Variants in MACROD2 observed in about 807,000 individuals in gnomAD.
MACROD2 encodes the protein mono-ADP ribosylhydrolase 2, also known as ADP-ribose glycohydrolase MACROD2.
A neutral mutation model predicts 70.4 loss-of-function variants in MACROD2; 36 were observed. That is an observed-to-expected ratio of 0.51 (90% confidence interval 0.39 to 0.68). The LOEUF (loss-of-function observed/expected upper bound fraction) is 0.68. Ranked by LOEUF, MACROD2 falls within the 30% of genes least tolerant of loss-of-function variation. MACROD2 has a pLI of 0.00. For synonymous variants in MACROD2, 172 were observed against 178.8 expected (o/e 0.96, Z 0.30); for missense variants, 496 against 538.4 (o/e 0.92, Z 0.78).
chr20:15,777,971 A>G (rs1005933168), intron 8 of MACROD2, among the ~76,000 whole-genome samples: 2 of 152,048 alleles, frequency 1.3e-5, no homozygotes, highest in African/African-American at 2.4e-5. Flanking sequence ...TTAGAATACA[A>G]CGCTCCCAAC....
intron 8 of MACROD2, among the ~76,000 whole-genome samples, chr20:15,763,021 T>C (rs1365144771): frequency 6.6e-6 from 1 of 152,206 alleles, no homozygotes; most frequent in African/African-American, 2.4e-5. Flanking sequence ...TATTTTGGTT[T>C]TCCTTTAGAA....
At chr20:15,681,479 G>C (rs1003072057) in intron 8 of MACROD2, among the ~76,000 whole-genome samples, 3 of 152,156 alleles carry the variant, frequency 2.0e-5, no homozygotes, top group African/African-American at 7.2e-5. Context: ...CTTTGGTGAA[G>C]ACCAAATAAA....
intron 8 of MACROD2, among the ~76,000 whole-genome samples, chr20:15,605,954 A>T (rs1044801507): frequency 6.6e-6 from 1 of 152,206 alleles, no homozygotes; most frequent in African/African-American, 2.4e-5. Flanking sequence ...TGCCACATCA[A>T]TTCAGCATAT....
chr20:15,280,043 C>T (rs181717551), intron 6 of MACROD2, among the ~76,000 whole-genome samples: 20 of 152,322 alleles, frequency 1.3e-4, no homozygotes, highest in Middle Eastern at 6.8e-3. Flanking sequence ...GGAAAGTTTT[C>T]AAAGCCCAGA....
At chr20:15,830,056 G>C (rs533115325) in intron 8 of MACROD2, among the ~76,000 whole-genome samples, 1 of 152,292 alleles carries the variant, frequency 6.6e-6, no homozygotes, top group South Asian at 2.1e-4. Flanking sequence ...AGGGGATGGA[G>C]GAAAGGTGCC....
intron 8 of MACROD2, among the ~76,000 whole-genome samples, chr20:15,564,022 C>T (rs2048279099): frequency 6.6e-6 from 1 of 152,196 alleles, no homozygotes. Context: ...ATCCCCTAAA[C>T]TTCCTTATGC....
At chr20:14,630,578 G>A (rs1436839920) in intron 4 of MACROD2, among the ~76,000 whole-genome samples, 1 of 152,052 alleles carries the variant, frequency 6.6e-6, no homozygotes, top group African/African-American at 2.4e-5. Flanking sequence ...TAATTATAAT[G>A]CCTTTCCTTC....
chr20:14,217,618 G>A (rs1006572131), intron 3 of MACROD2, among the ~76,000 whole-genome samples: 12 of 152,080 alleles, frequency 7.9e-5, no homozygotes, highest in African/African-American at 2.4e-5. Flanking sequence ...GTAGAATTCT[G>A]CTGTGAATCC....
chr20:14,870,677 T>A (rs530387455), intron 5 of MACROD2, among the ~76,000 whole-genome samples: 1 of 152,280 alleles, frequency 6.6e-6, no homozygotes, highest in Admixed American at 6.5e-5. Flanking sequence ...TGGTTTTAAT[T>A]TGCATTTCCA....
intron 3 of MACROD2, among the ~76,000 whole-genome samples, chr20:14,114,781 A>C (rs971714679): frequency 6.6e-6 from 1 of 152,180 alleles, no homozygotes; most frequent in East Asian, 1.9e-4. Context: ...AATAATTGAG[A>C]TGATAGAAAA....
chr20:15,286,271 G>A (rs987135245), intron 6 of MACROD2, among the ~76,000 whole-genome samples: 5 of 152,098 alleles, frequency 3.3e-5, no homozygotes, highest in Non-Finnish European at 5.9e-5. Context: ...AAATATCTTC[G>A]AGAAGCTTGG....
chr20:15,138,641 A>G lies in MACROD2; in HGVS notation c.419-91299A>G, dbSNP rs767123922. Among the ~76,000 whole-genome samples the G allele has an allele frequency of 5.4e-4, 82 of 152,194 alleles. 2 individuals carry two copies. The highest frequency in any genetic ancestry group is 8.8e-5 in the Non-Finnish European group (6 of 68,036). ...GTTGTTATTTTTGCACTTGTAGTGCATACTGGGGGTGCTCTGCCAGCTTGG... is the reference window on the plus strand; with the variant it reads ...GTTGTTATTTTTGCACTTGTAGTGCGTACTGGGGGTGCTCTGCCAGCTTGG... On this transcript the variant is annotated intron_variant, in intron 5 of 17. Coordinates refer to ENST00000684519, the MANE Select transcript of MACROD2 (RefSeq NM_001351661.2).
At chr20:14,637,787 A>T (rs1026499091) in intron 4 of MACROD2, among the ~76,000 whole-genome samples, 4 of 151,896 alleles carry the variant, frequency 2.6e-5, no homozygotes, top group Admixed American at 6.6e-5. Context: ...TTTCTCTTCG[A>T]TGGAAGAAAA....
At chr20:14,684,648 A>ACCACCCCCCCCCCC (rs2070977501) in intron 4 of MACROD2, among the ~76,000 whole-genome samples, 195 bp from the exon 5 acceptor site, 1 of 134,848 alleles carries the variant, frequency 7.4e-6, no homozygotes, top group Non-Finnish European at 1.7e-5. Flanking sequence ...ACATAACCTC[A>ACCACCCCCCCCCCC]CCCCCCCCCC....
chr20:15,540,712 A>C (rs2047943547), intron 8 of MACROD2, among the ~76,000 whole-genome samples: 1 of 152,176 alleles, frequency 6.6e-6, no homozygotes. Context: ...GTCTAAACTC[A>C]AGGTATCGGC....
chr20:14,332,261 T>C (rs921858904), intron 3 of MACROD2, among the ~76,000 whole-genome samples: 1 of 152,110 alleles, frequency 6.6e-6, no homozygotes, highest in Non-Finnish European at 1.5e-5. Flanking sequence ...TTTATTTCCA[T>C]GATACACCCA....
chr20:14,770,203 T>C (rs987180105), intron 5 of MACROD2, among the ~76,000 whole-genome samples: 1 of 151,982 alleles, frequency 6.6e-6, no homozygotes, highest in African/African-American at 2.4e-5. Flanking sequence ...ACTTTTTTTT[T>C]CTTTTTGCCT....
chr20:15,350,340 C>T (rs1265510658), intron 6 of MACROD2, among the ~76,000 whole-genome samples: 1 of 152,170 alleles, frequency 6.6e-6, no homozygotes, highest in Non-Finnish European at 1.5e-5. Context: ...TAATGATTAA[C>T]TGTGTTTTTA....
intron 2 of MACROD2, among the ~76,000 whole-genome samples, chr20:14,045,157 C>A (rs917134978): frequency 3.3e-5 from 5 of 152,236 alleles, no homozygotes; most frequent in Non-Finnish European, 4.4e-5. Flanking sequence ...TTCCCGCCTG[C>A]GCCTCTCCCT....
Sources: allele counts gnomAD v4.1 joint callset (sites outside exome capture counted in the v4.1 genomes callset), GRCh38; gene constraint gnomAD v4.1.1; transcripts MANE v1.5; gene names NCBI Gene and HGNC (gene_info 2026-07-23, HGNC 2026-07-21).